Variants in SLC9A3 observed in about 807,000 individuals in gnomAD.
SLC9A3 encodes sodium/hydrogen exchanger 3.
A neutral mutation model predicts 86.8 loss-of-function variants in SLC9A3; 37 were observed. The ratio of observed to expected loss-of-function variants is 0.43; its 90% CI spans 0.33 to 0.56. The LOEUF (loss-of-function observed/expected upper bound fraction) is 0.56. SLC9A3 is among the 20% of genes least tolerant of loss of function. The pLI is 0.06. For synonymous variants in SLC9A3, 581 were observed against 528.3 expected, an observed-to-expected ratio of 1.10 and a Z score of -1.37; for missense variants, 1,011 against 1,171.9, an observed-to-expected ratio of 0.86 and a Z score of 2.00.
rs865788102 is a variant in SLC9A3, at chr5:496,113, G to A, written c.212-4042C>T. On this transcript the variant is annotated intron_variant, in intron 1 of 16. Transcript: ENST00000264938. This position sits in a 1 kb window ranked among gnomAD's most constrained non-coding sequence, Gnocchi z 4.7. The stretch of plus-strand genomic sequence containing the variant: ...ACATCCTCTGACCTTGGTAGTTACT[G>A]AGAAAATATACATATATACGCACAA... 2.0e-5 allele frequency among the ~76,000 whole-genome samples: 3 copies of A among 152,362 alleles called. No homozygotes were observed. The highest frequency in any genetic ancestry group is 3.4e-3 in the Middle Eastern group (1 of 294).
intron 1 of SLC9A3, among the ~76,000 whole-genome samples, chr5:502,121 C>G (rs1740305582): frequency 6.6e-6 from 1 of 152,224 alleles, no homozygotes; most frequent in Non-Finnish European, 1.5e-5. Flanking sequence ...TGAATGTTGC[C>G]CACGGTTCCC....
At chr5:495,005 C>T (rs929138979) in intron 1 of SLC9A3, among the ~76,000 whole-genome samples, 12 of 152,142 alleles carry the variant, frequency 7.9e-5, no homozygotes, top group Non-Finnish European at 1.5e-4. Flanking sequence ...GAGCAGCCAG[C>T]GGGGCACGTG....
At chr5:482,418 G>A (rs1014662697) in intron 7 of SLC9A3, 130 bp downstream of exon 7, 10 of 781,226 alleles carry the variant, frequency 1.3e-5, no homozygotes, top group Admixed American at 2.4e-5. Context: ...CCTACAAAAC[G>A]GCTCCTAGTT....
At chr5:499,807 C>T (rs139726418) in intron 1 of SLC9A3, among the ~76,000 whole-genome samples, 215 of 152,298 alleles carry the variant, frequency 1.4e-3, no homozygotes, top group Middle Eastern at 6.8e-3. Flanking sequence ...ATAACGTCTC[C>T]GTAGATCAGC....
intron 6 of SLC9A3, 127 bp downstream of exon 6, chr5:483,135 G>A (rs1560955177): frequency 2.7e-6 from 2 of 740,952 alleles, no homozygotes; most frequent in East Asian, 5.5e-5. Context: ...GCCACCATCA[G>A]GTCCTCTCCT....
At chr5:510,882 G>A (rs1455482289) in intron 1 of SLC9A3, among the ~76,000 whole-genome samples, 2 of 152,226 alleles carry the variant, frequency 1.3e-5, no homozygotes, top group Non-Finnish European at 2.9e-5. Flanking sequence ...AAGACCTCCT[G>A]TGGCTCCCAC....
At chr5:481,738 T>G (rs1320898880) in intron 8 of SLC9A3, 103 bp from the exon 9 acceptor site, 10 of 635,224 alleles carry the variant, frequency 1.6e-5, no homozygotes, top group South Asian at 4.8e-5. Context: ...CCAGCCCCCC[T>G]CACCACGCCC....
chr5:488,800 C>T (rs78263988), intron 2 of SLC9A3, among the ~76,000 whole-genome samples: 13,430 of 152,268 alleles, frequency 0.088, 945 homozygotes, highest in East Asian at 0.32. Flanking sequence ...GGGGGCCCAT[C>T]GCCTGGAGTG....
chr5:481,446 G>T (rs1474626494), intron 9 of SLC9A3, 119 bp downstream of exon 9: 8 of 884,172 alleles, frequency 9.0e-6, no homozygotes, highest in Admixed American at 1.8e-5. Flanking sequence ...GGGCACCGGA[G>T]CCCTGACCAA....
intron 1 of SLC9A3, among the ~76,000 whole-genome samples, chr5:498,044 CT>C (rs1019393706): frequency 2.6e-5 from 4 of 152,228 alleles, no homozygotes; most frequent in African/African-American, 7.2e-5. Context: ...TTCAAGGATG[CT>C]GTTTTGCCTC....
At chr5:473,409 G>GCT (rs1738511887) in intron 16 of SLC9A3, 27 bp from the exon 17 acceptor site, 1 of 1,389,106 alleles carries the variant, frequency 7.2e-7, no homozygotes, top group African/African-American at 1.5e-5. Context: ...CGTGAGCGGC[G>GCT]CGCGGAGCCC....
chr5:519,019 C>T (rs946250691), intron 1 of SLC9A3, among the ~76,000 whole-genome samples: 3 of 152,314 alleles, frequency 2.0e-5, no homozygotes, highest in East Asian at 3.9e-4. Context: ...TAGCTCCAAA[C>T]GCCATGGATT....
In SLC9A3 at chr5:524,368, T is replaced by C; in HGVS notation, c.-46A>G. The stretch of plus-strand genomic sequence containing the variant: ...GCTGGGACGCGCATGTCGCGGGGGG[T>C]CCCGGCTGGGCTGGGCCGACGCGCG... On this transcript the variant is annotated 5_prime_UTR_variant, in exon 1 of 17. Transcript: ENST00000264938. The C allele has an allele frequency of 1.1e-6, 1 of 923,898 alleles. No homozygotes were observed. The highest frequency in any genetic ancestry group is 1.4e-6 in the Non-Finnish European group (1 of 729,368). The allele number at this position is 923,898 out of a possible 1,614,324, so 57.2% of individuals were successfully genotyped here.
chr5:481,542 C>A, intron 9 of SLC9A3, 23 bp downstream of exon 9: 1 of 1,601,926 alleles, frequency 6.2e-7, no homozygotes. Context: ...TGCGACACCG[C>A]CGGGGCCGTC....
rs1295332519 is a variant in SLC9A3 at position 496,114 on chromosome 5, A to T, written c.212-4043T>A. Among the ~76,000 whole-genome samples, 1 of 152,248 alleles carries T rather than the reference A, an allele frequency of 6.6e-6. No individual in the cohort carries two copies. The highest frequency in any genetic ancestry group is 1.5e-5 in the Non-Finnish European group (1 of 68,046). On this transcript the variant is annotated intron_variant, in intron 1 of 16. Transcript: ENST00000264938. The surrounding 1 kb of genome is among the most constrained non-coding windows in gnomAD (Gnocchi z 4.7). ...CATCCTCTGACCTTGGTAGTTACTG[A>T]GAAAATATACATATATACGCACAAA...
At chr5:475,366 G>A (rs1041663951) in intron 15 of SLC9A3, 195 bp downstream of exon 15, 6 of 616,214 alleles carry the variant, frequency 9.7e-6, no homozygotes, top group African/African-American at 7.4e-5. Flanking sequence ...CTCCCTGCCC[G>A]GCCCACGTCT....
intron 15 of SLC9A3, 155 bp from the exon 16 acceptor site, chr5:475,287 C>T: frequency 1.4e-6 from 1 of 735,212 alleles, no homozygotes; most frequent in Non-Finnish European, 2.2e-6. Flanking sequence ...CCTTCCCCCA[C>T]ATCCATGACC....
intron 8 of SLC9A3, 99 bp from the exon 9 acceptor site, chr5:481,734 C>A: frequency 9.9e-7 from 1 of 1,009,394 alleles, no homozygotes; most frequent in Non-Finnish European, 1.6e-6. Flanking sequence ...CCCACCAGCC[C>A]CCCTCACCAC....
intron 1 of SLC9A3, among the ~76,000 whole-genome samples, chr5:492,965 C>T (rs1307471413): frequency 1.3e-5 from 2 of 152,204 alleles, no homozygotes; most frequent in Non-Finnish European, 2.9e-5. Context: ...TAAGGGTGGA[C>T]AGCAGGTCCT....
Sources: gnomAD v4.1 joint callset for allele counts (sites outside exome capture counted in the v4.1 genomes callset) on GRCh38, gnomAD v4.1.1 for gene constraint, Gnocchi (gnomAD v3.1) non-coding constraint, MANE v1.5 for transcripts, NCBI Gene and HGNC (gene_info 2026-07-23, HGNC 2026-07-21) for gene names.